CTTNBP2: variants seen among roughly 807,000 people sequenced by gnomAD.
CTTNBP2 encodes the protein cortactin-binding protein 2.
CTTNBP2 carries 108 observed loss-of-function variants against 156.9 expected under a neutral mutation model. The observed-to-expected ratio is 0.69, with a 90% confidence interval of 0.59 to 0.81. The LOEUF (loss-of-function observed/expected upper bound fraction) is 0.81. CTTNBP2 is among the 30% of genes least tolerant of loss of function. CTTNBP2 has a pLI of 0.00. For missense variants in CTTNBP2, 1,924 were observed against 2,035.4 expected (o/e 0.95, Z 1.05); for synonymous variants, 767 against 751.8 (o/e 1.02, Z -0.33).
chr7:117,841,523 A>G (rs904706662), intron 2 of CTTNBP2, among the ~76,000 whole-genome samples: 2 of 152,018 alleles, frequency 1.3e-5, no homozygotes, highest in Admixed American at 6.6e-5. Flanking sequence ...CTATATATAC[A>G]TGTGCCAGAA....
chr7:117,858,734 T>A (rs761051543), intron 2 of CTTNBP2, among the ~76,000 whole-genome samples: 3 of 152,250 alleles, frequency 2.0e-5, no homozygotes, highest in Non-Finnish European at 4.4e-5. Flanking sequence ...TGGAACCTTC[T>A]ATATGACCAG....
intron 2 of CTTNBP2, among the ~76,000 whole-genome samples, chr7:117,855,339 C>G (rs756475628): frequency 7.9e-5 from 12 of 152,188 alleles, no homozygotes; most frequent in Non-Finnish European, 1.5e-4. Flanking sequence ...TCTTGAACGC[C>G]TGACCTCAAG....
chr7:117,820,985 T>C (rs953255057), intron 2 of CTTNBP2, among the ~76,000 whole-genome samples: 4 of 152,196 alleles, frequency 2.6e-5, no homozygotes, highest in African/African-American at 9.6e-5. Context: ...TTTATTCTTA[T>C]ATTTTTTATG....
chr7:117,861,100 A>T (rs1188013984), intron 2 of CTTNBP2, 109 bp downstream of exon 2: 11 of 682,626 alleles, frequency 1.6e-5, no homozygotes, highest in Non-Finnish European at 2.6e-5. Flanking sequence ...ACCTGATGTA[A>T]CATTTTAAAT....
intron 1 of CTTNBP2, among the ~76,000 whole-genome samples, chr7:117,862,318 G>C (rs953974716): frequency 1.3e-5 from 2 of 151,846 alleles, no homozygotes; most frequent in Non-Finnish European, 2.9e-5. Context: ...GGGGTGGGGT[G>C]GGGGGGCGGT....
At chr7:117,835,929 A>T (rs1801908091) in intron 2 of CTTNBP2, among the ~76,000 whole-genome samples, 1 of 152,194 alleles carries the variant, frequency 6.6e-6, no homozygotes. Flanking sequence ...AATATTAGTA[A>T]TAATACCTAC....
chr7:117,745,963 G>A (rs374639423), intron 13 of CTTNBP2, 33 bp from the exon 14 acceptor site: 165 of 1,608,456 alleles, frequency 1.0e-4, no homozygotes, highest in Non-Finnish European at 1.3e-4. Context: ...TTAGTTCTAC[G>A]CACTTGCCAA....
intron 1 of CTTNBP2, among the ~76,000 whole-genome samples, chr7:117,864,707 CATATATATTCATATA>C (rs1804015314): frequency 1.1e-5 from 1 of 89,832 alleles, no homozygotes; most frequent in African/African-American, 3.4e-5. Flanking sequence ...TTCATATATT[CATATATATTCATATA>C]TACATATATT....
Position 117,724,744 on chromosome 7 carries a change from C to G in CTTNBP2, c.4262-12G>C. The G allele has an allele frequency of 6.2e-7, 1 of 1,613,178 alleles. No individual in the cohort carries two copies. Among genetic ancestry groups the G allele is most frequent in the Non-Finnish European group, 8.5e-7 (1 of 1,179,792 alleles). ...ATGCTGGTCTAGCTCTGAAACAACACAAATCACAGCAGGGATAATGCAGTT... is the reference window on the plus strand; with the variant it reads ...ATGCTGGTCTAGCTCTGAAACAACAGAAATCACAGCAGGGATAATGCAGTT... On this transcript the variant is annotated splice_polypyrimidine_tract_variant and intron_variant, in intron 18 of 22. Transcript: ENST00000160373.
At chr7:117,748,722 A>G (rs1328544226) in intron 12 of CTTNBP2, among the ~76,000 whole-genome samples, 2 of 152,194 alleles carry the variant, frequency 1.3e-5, no homozygotes, top group African/African-American at 4.8e-5. Flanking sequence ...TTCATAGTCT[A>G]CCACCTTGCA....
At chr7:117,728,381 ATTTAAC>A in intron 16 of CTTNBP2, 114 bp from the exon 17 acceptor site, 1 of 763,868 alleles carries the variant, frequency 1.3e-6, no homozygotes, top group East Asian at 2.7e-5. Context: ...GCTGAATCTT[ATTTAAC>A]TTTACTTGGG....
intron 4 of CTTNBP2, among the ~76,000 whole-genome samples, chr7:117,785,194 C>T (rs964456658): frequency 1.3e-5 from 2 of 152,142 alleles, no homozygotes; most frequent in Admixed American, 1.3e-4. Context: ...AAACAGGACA[C>T]TCAACTATAT....
intron 2 of CTTNBP2, among the ~76,000 whole-genome samples, chr7:117,826,742 T>C (rs1003540908): frequency 1.3e-5 from 2 of 151,504 alleles, no homozygotes; most frequent in African/African-American, 4.8e-5. Context: ...ATTATAGTAA[T>C]AGCTCCTATA....
At chr7:117,786,955 TTTTA>T (rs1281254085) in intron 4 of CTTNBP2, among the ~76,000 whole-genome samples, 3 of 152,180 alleles carry the variant, frequency 2.0e-5, no homozygotes, top group Non-Finnish European at 2.9e-5. Context: ...TGCCTTATTT[TTTTA>T]GAGGTCTGCA....
intron 22 of CTTNBP2, chr7:117,714,129 A>C (rs1794211931): frequency 6.6e-6 from 1 of 152,244 alleles, no homozygotes; most frequent in South Asian, 2.1e-4. Flanking sequence ...TGGTATGTTA[A>C]GGGCGAATCT....
intron 9 of CTTNBP2, among the ~76,000 whole-genome samples, chr7:117,762,403 T>G (rs571527222): frequency 1.3e-5 from 2 of 152,196 alleles, no homozygotes; most frequent in East Asian, 3.9e-4. Flanking sequence ...ATCGTGCCAG[T>G]TGGTCAGACT....
intron 1 of CTTNBP2, among the ~76,000 whole-genome samples, chr7:117,865,273 G>A (rs993217595): frequency 1.3e-5 from 2 of 151,330 alleles, no homozygotes; most frequent in African/African-American, 4.9e-5. Context: ...AGACATGTTC[G>A]CAGACTAAAG....
At chr7:117,736,626 T>C (rs1198386959) in intron 14 of CTTNBP2, among the ~76,000 whole-genome samples, 1 of 152,118 alleles carries the variant, frequency 6.6e-6, no homozygotes, top group Non-Finnish European at 1.5e-5. Flanking sequence ...TGACTTTCTG[T>C]CAACCCAAAA....
intron 2 of CTTNBP2, among the ~76,000 whole-genome samples, chr7:117,853,258 A>G (rs1193197987): frequency 6.6e-6 from 1 of 152,218 alleles, no homozygotes; most frequent in African/African-American, 2.4e-5. Context: ...GTTTTAGTTT[A>G]AAATGATAAA....
Sources: gnomAD v4.1 joint callset for allele counts (sites outside exome capture counted in the v4.1 genomes callset) on GRCh38, gnomAD v4.1.1 for gene constraint, MANE v1.5 for transcripts, NCBI Gene and HGNC (gene_info 2026-07-23, HGNC 2026-07-21) for gene names.